The following ELMO1 variants were observed in gnomAD, a reference collection of about 807,000 sequenced individuals.
ELMO1 encodes engulfment and cell motility 1.
ELMO1 carries 26 observed loss-of-function variants against 98.9 expected under a neutral mutation model. That is an observed-to-expected ratio of 0.26 (90% CI 0.19 to 0.36). ELMO1 has a LOEUF of 0.36. Ranked by LOEUF, ELMO1 falls within the 10% of genes least tolerant of loss-of-function variation. ELMO1 has a pLI of 1.00. For missense variants in ELMO1, 627 were observed against 935.2 expected, an observed-to-expected ratio of 0.67 and a Z score of 4.30; for synonymous variants, 346 against 346.0, an observed-to-expected ratio of 1.00 and a Z score of 0.00.
rs551945809 is a variant in ELMO1 at position 37,353,459 on chromosome 7, C to T, written c.-73-10696G>A. The T allele has an allele frequency of 5.4e-5, 9 of 167,326 alleles. 1 individual carries two copies. The highest frequency in any genetic ancestry group is 5.3e-4 in the East Asian group (3 of 5,648). The allele number at this position is 167,326 out of a possible 1,614,324, so 10.4% of individuals were successfully genotyped here. ...GGTGGCGCGTCCGGAGTTGTTTCTT[C>T]CTCCCGGTGGGTTCGTGGTCTCGCT... On this transcript the variant is annotated intron_variant, in intron 1 of 21. Transcript: ENST00000310758.
At chr7:36,976,868 A>G (rs1790595418) in intron 16 of ELMO1, among the ~76,000 whole-genome samples, 2 of 152,212 alleles carry the variant, frequency 1.3e-5, no homozygotes, top group Non-Finnish European at 2.9e-5. Context: ...CAGGAGAATG[A>G]GCACCCAGGT....
At chr7:37,343,670 C>T (rs987332264) in intron 1 of ELMO1, among the ~76,000 whole-genome samples, 1 of 152,132 alleles carries the variant, frequency 6.6e-6, no homozygotes, top group African/African-American at 2.4e-5. Context: ...TTAGTAGAGA[C>T]AAGGTTTCGC....
chr7:37,256,784 G>A (rs1795689042), intron 6 of ELMO1, among the ~76,000 whole-genome samples: 1 of 137,816 alleles, frequency 7.3e-6, no homozygotes, highest in Non-Finnish European at 1.6e-5. Flanking sequence ...GGAAGGGAAG[G>A]GAGAAGGGAG....
intron 16 of ELMO1, chr7:36,919,323 T>G: frequency 1.9e-6 from 1 of 521,682 alleles, no homozygotes; most frequent in Non-Finnish European, 4.0e-6. Context: ...TTTCTAACAC[T>G]GCTCAGATGC....
intron 16 of ELMO1, among the ~76,000 whole-genome samples, chr7:36,981,409 T>C (rs921235311): frequency 6.6e-6 from 1 of 152,006 alleles, no homozygotes; most frequent in Non-Finnish European, 1.5e-5. Flanking sequence ...ATATCTGGTA[T>C]TGAAGGCACG....
At chr7:37,219,367 G>A (rs1288444893) in intron 10 of ELMO1, among the ~76,000 whole-genome samples, 1 of 152,108 alleles carries the variant, frequency 6.6e-6, no homozygotes, top group Non-Finnish European at 1.5e-5. Flanking sequence ...CCCAGATAAT[G>A]GAGTCCTGTG....
intron 15 of ELMO1, among the ~76,000 whole-genome samples, chr7:37,083,330 A>C (rs1783579155): frequency 6.6e-6 from 1 of 152,220 alleles, no homozygotes. Flanking sequence ...ATTCCCCTGC[A>C]GGAATTTGCA....
At chr7:37,123,939 A>G (rs1786294432) in intron 14 of ELMO1, among the ~76,000 whole-genome samples, 1 of 152,234 alleles carries the variant, frequency 6.6e-6, no homozygotes, top group Admixed American at 6.5e-5. Flanking sequence ...CTTAGCCACC[A>G]TGATCAAGTG....
intron 13 of ELMO1, among the ~76,000 whole-genome samples, chr7:37,155,381 G>A: frequency 6.6e-6 from 1 of 150,576 alleles, no homozygotes; most frequent in East Asian, 2.0e-4. Flanking sequence ...TGGATAAAGA[G>A]TCAAGACCTA....
intron 15 of ELMO1, among the ~76,000 whole-genome samples, chr7:37,019,125 CTAT>C (rs1794126966): frequency 6.6e-6 from 1 of 152,186 alleles, no homozygotes; most frequent in Non-Finnish European, 1.5e-5. Context: ...GACAAAGGTC[CTAT>C]TATTATCATC....
intron 16 of ELMO1, among the ~76,000 whole-genome samples, chr7:37,004,156 C>G (rs548942816): frequency 6.6e-6 from 1 of 152,138 alleles, no homozygotes; most frequent in African/African-American, 2.4e-5. Context: ...TTCCTATCTG[C>G]CCTTTAATTT....
intron 8 of ELMO1, among the ~76,000 whole-genome samples, chr7:37,232,054 T>C (rs1794204188): frequency 6.6e-6 from 1 of 152,176 alleles, no homozygotes; most frequent in South Asian, 2.1e-4. Flanking sequence ...GGTTTCACCA[T>C]GTTGGTCAAG....
intron 14 of ELMO1, among the ~76,000 whole-genome samples, chr7:37,121,367 A>G (rs1786021592): frequency 6.6e-6 from 1 of 152,226 alleles, no homozygotes; most frequent in Non-Finnish European, 1.5e-5. Flanking sequence ...AAAGAAGTTA[A>G]AAACCTCAAA....
chr7:37,160,228 G>A (rs989453557), intron 13 of ELMO1, among the ~76,000 whole-genome samples: 3 of 152,170 alleles, frequency 2.0e-5, no homozygotes, highest in African/African-American at 7.2e-5. Context: ...TTTCAACAAT[G>A]AAGAAGGAAG....
chr7:37,081,237 C>CAATA (rs1382202687), intron 15 of ELMO1, among the ~76,000 whole-genome samples: 3 of 152,092 alleles, frequency 2.0e-5, no homozygotes, highest in African/African-American at 7.2e-5. Flanking sequence ...AAATGAAATA[C>CAATA]TATTTATATC....
At position 37,258,888 on chromosome 7, in the gene ELMO1, T is replaced by C. The variant is rs144121500; in HGVS notation, c.413+293A>G. On this transcript the variant is annotated intron_variant, in intron 6 of 21. Transcript: ENST00000310758. ...GTTTTGTCGAGTTATACTTTCATTG[T>C]TGCCAAGGCCCTCTGAGATAATGGC... 1.8e-3 allele frequency among the ~76,000 whole-genome samples: 280 copies of C among 152,162 alleles called. 1 individual carries two copies. Among genetic ancestry groups the C allele is most frequent in the African/African-American group, 6.6e-3 (273 of 41,498 alleles).
At chr7:37,126,309 A>ATG (rs1321662561) in intron 14 of ELMO1, among the ~76,000 whole-genome samples, 1 of 145,942 alleles carries the variant, frequency 6.9e-6, no homozygotes, top group Non-Finnish European at 1.5e-5. Flanking sequence ...AAATATATAT[A>ATG]TATATATATA....
chr7:37,146,941 C>A (rs1311224042), intron 13 of ELMO1, among the ~76,000 whole-genome samples: 2 of 152,150 alleles, frequency 1.3e-5, no homozygotes, highest in African/African-American at 4.8e-5. Flanking sequence ...GAGGTCAGAA[C>A]TTGCAACTTG....
At chr7:37,026,292 A>G (rs762512007) in intron 15 of ELMO1, among the ~76,000 whole-genome samples, 5 of 152,172 alleles carry the variant, frequency 3.3e-5, no homozygotes, top group Non-Finnish European at 7.3e-5. Flanking sequence ...TTGCAGAGCC[A>G]TGGTGTGACT....
Sources: gnomAD v4.1 joint callset for allele counts (sites outside exome capture counted in the v4.1 genomes callset) on GRCh38, gnomAD v4.1.1 for gene constraint, MANE v1.5 for transcripts, NCBI Gene and HGNC (gene_info 2026-07-23, HGNC 2026-07-21) for gene names.